Variants in DLEU7 observed in about 807,000 individuals in gnomAD.
DLEU7 encodes the protein leukemia-associated protein 7.
A neutral mutation model predicts 16.0 loss-of-function variants in DLEU7; 17 were observed. The observed-to-expected ratio is 1.06, with a 90% CI of 0.73 to 1.59. The LOEUF is 1.59. DLEU7 is among the 40% of genes most tolerant of loss of function. The pLI is 0.00. For synonymous variants in DLEU7, 113 were observed against 139.8 expected, an observed-to-expected ratio of 0.81 and a Z score of 1.35; for missense variants, 308 against 314.9, an observed-to-expected ratio of 0.98 and a Z score of 0.17.
chr13:50,732,010 C>T lies in DLEU7; in HGVS notation c.460-18770G>A, dbSNP rs551671879. On this transcript the variant is annotated intron_variant, in intron 1 of 1. Coordinates refer to the DLEU7 transcript ENST00000400393. ...TCATACTTTGCAATATTGCTTTATT[C>T]TACTCTGATATTTCATGAAACAATC... 3.0e-3 allele frequency among the ~76,000 whole-genome samples: 460 copies of T among 152,244 alleles called. 1 individual carries two copies. The highest frequency in any genetic ancestry group is 8.6e-3 in the African/African-American group (356 of 41,550).
downstream of DLEU7, among the ~76,000 whole-genome samples, chr13:50,820,112 A>G (rs961441614): frequency 1.3e-5 from 2 of 152,132 alleles, no homozygotes; most frequent in Non-Finnish European, 2.9e-5. Flanking sequence ...ATCAAGTAAT[A>G]TGAGGATTGT....
chr13:50,737,129 G>A (rs1388233989), intron 1 of DLEU7, among the ~76,000 whole-genome samples: 1 of 152,076 alleles, frequency 6.6e-6, no homozygotes, highest in Non-Finnish European at 1.5e-5. Flanking sequence ...TTTATTTTGT[G>A]AGGTCAATAA....
At position 50,753,343 on chromosome 13, in the gene DLEU7, C is replaced by T. The variant is rs370013036; in HGVS notation, c.460-40103G>A. 1.8e-4 allele frequency among the ~76,000 whole-genome samples: 27 copies of T among 152,342 alleles called. No homozygotes were observed. The East Asian group carries it at 1.9e-3, about 11-fold the overall frequency. ...CCCTTGCGTGGTCAATGGGACTGGG[C>T]GCCCTGGAGCAGGGGGCGGCGCTCG... On this transcript the variant is annotated intron_variant, in intron 1 of 1. Transcript: ENST00000400393.
At chr13:50,799,966 C>T (rs1463781188) in intron 1 of DLEU7, among the ~76,000 whole-genome samples, 1 of 152,134 alleles carries the variant, frequency 6.6e-6, no homozygotes, top group Admixed American at 6.6e-5. Flanking sequence ...AAACTGTACA[C>T]AGAACTCTGG....
rs936796863 is a variant in DLEU7, at chr13:50,779,279, C to A, written c.459+63909G>T. The stretch of plus-strand genomic sequence containing the variant: ...ATTTCCAAACTTACGTTCCATGAAC[C>A]AGTAATTTTGTGGGATATTCTTAAG... On this transcript the variant is annotated intron_variant, in intron 1 of 1. Transcript: ENST00000400393. Among the ~76,000 whole-genome samples, 3 of 152,072 alleles carry A rather than the reference C, an allele frequency of 2.0e-5. No homozygotes were observed. The East Asian group carries it at 5.8e-4, about 29-fold the overall frequency.
intron 1 of DLEU7, chr13:50,839,907 G>C (rs1044750082): frequency 1.3e-5 from 2 of 152,176 alleles, no homozygotes; most frequent in African/African-American, 4.8e-5. Context: ...ACTATACAGG[G>C]AGGAAACTGA....
At chr13:50,835,959 A>G (rs911807080) in intron 1 of DLEU7, among the ~76,000 whole-genome samples, 21 of 152,248 alleles carry the variant, frequency 1.4e-4, no homozygotes, top group African/African-American at 5.1e-4. Flanking sequence ...TCTGAAACCA[A>G]CACCAGTGGA....
chr13:50,810,214 A>G (rs1390740325), intron 1 of DLEU7, among the ~76,000 whole-genome samples: 1 of 151,778 alleles, frequency 6.6e-6, no homozygotes, highest in East Asian at 1.9e-4. Context: ...CTAAAAAGCT[A>G]AATTCTCTTA....
At chr13:50,810,973 G>T (rs1231433708) in intron 1 of DLEU7, among the ~76,000 whole-genome samples, 1 of 152,132 alleles carries the variant, frequency 6.6e-6, no homozygotes, top group Non-Finnish European at 1.5e-5. Context: ...GATAACCTGT[G>T]GTACCAGTGA....
intron 1 of DLEU7, among the ~76,000 whole-genome samples, chr13:50,804,124 A>G (rs375361324): frequency 2.0e-5 from 3 of 152,110 alleles, no homozygotes; most frequent in African/African-American, 7.2e-5. Context: ...ATCACGTCCT[A>G]AATATTTTAA....
At chr13:50,712,068 C>A (rs993668716) in exon 2 of DLEU7, 9 of 152,114 alleles carry the variant, frequency 5.9e-5, no homozygotes, top group Non-Finnish European at 1.2e-4. Flanking sequence ...CATTGATTAG[C>A]CTTACAGTAA....
rs564417034 is a variant in DLEU7, at chr13:50,731,821, T to A, written c.460-18581A>T. 1.2e-4 allele frequency among the ~76,000 whole-genome samples: 19 copies of A among 152,334 alleles called. No homozygotes were observed. The South Asian group carries it at 3.3e-3, about 27-fold the overall frequency. On this transcript the variant is annotated intron_variant, in intron 1 of 1. Transcript: ENST00000400393. The stretch of plus-strand genomic sequence containing the variant: ...CCCTCCCAATTACAAAGCCAATGCC[T>A]ATTTTTTGAAACAGAAAATTTTAAA...
chr13:50,833,145 G>C (rs988502282), intron 1 of DLEU7, among the ~76,000 whole-genome samples: 2 of 152,172 alleles, frequency 1.3e-5, no homozygotes, highest in African/African-American at 4.8e-5. Context: ...CACAAGACAA[G>C]GACACCCTCT....
At chr13:50,801,291 C>A (rs1876239634) in intron 1 of DLEU7, among the ~76,000 whole-genome samples, 1 of 152,030 alleles carries the variant, frequency 6.6e-6, no homozygotes, top group Non-Finnish European at 1.5e-5. Flanking sequence ...CACCGTCACC[C>A]CTCCATCCAC....
chr13:50,743,360 T>C (rs570745823), intron 1 of DLEU7, among the ~76,000 whole-genome samples: 7 of 152,238 alleles, frequency 4.6e-5, no homozygotes, highest in South Asian at 2.1e-4. Context: ...TAAACAGTGG[T>C]CAATACTGTG....
At chr13:50,767,411 G>C (rs549186534) in intron 1 of DLEU7, among the ~76,000 whole-genome samples, 2 of 143,114 alleles carry the variant, frequency 1.4e-5, no homozygotes, top group African/African-American at 2.6e-5. Flanking sequence ...AGCCGAGATC[G>C]CGCCACTGCA....
In DLEU7 at chr13:50,843,542, G is replaced by C. The variant is rs1276860067; in HGVS notation, c.105C>G (p.Val35=). ...QQEWGWGDGP[V]APGNPRDPDH... is the part of the protein sequence containing the mutation. Reference sequence around the variant, plus strand: ...CTGGGTCCCGCGGGTTCCCGGGGGCGACTGGACCGTCCCCCCAGCCCCACT... The same window carrying C: ...CTGGGTCCCGCGGGTTCCCGGGGGCCACTGGACCGTCCCCCCAGCCCCACT... The change falls in exon 1 of 2, where the codon GTC becomes GTG. Residue 35 remains valine, a synonymous_variant. Coordinates refer to ENST00000504404, the MANE Select transcript of DLEU7 (RefSeq NM_001306135.2). The surrounding 1 kb of genome is among the most constrained non-coding windows in gnomAD (Gnocchi z 5.7). 1 of 1,455,166 alleles carries C rather than the reference G, an allele frequency of 6.9e-7. No homozygotes were observed. The highest frequency in any genetic ancestry group is 9.0e-7 in the Non-Finnish European group (1 of 1,114,684). The allele number at this position is 1,455,166 out of a possible 1,614,324, so 90.1% of individuals were successfully genotyped here. A position where few individuals can be genotyped will look rare whatever the true frequency, so the allele number is the denominator to read the frequency against.
intron 1 of DLEU7, among the ~76,000 whole-genome samples, chr13:50,769,115 C>G (rs901722673): frequency 6.6e-6 from 1 of 152,150 alleles, no homozygotes; most frequent in South Asian, 2.1e-4. Flanking sequence ...ATTCTTTGCC[C>G]ATTTTCTTGA....
chr13:50,739,931 T>TA (rs1874203666), intron 1 of DLEU7, among the ~76,000 whole-genome samples: 1 of 152,094 alleles, frequency 6.6e-6, no homozygotes, highest in Admixed American at 6.6e-5. Flanking sequence ...ATTTTTTTTT[T>TA]ATTAAATCAG....
Sources: allele counts gnomAD v4.1 joint callset (sites outside exome capture counted in the v4.1 genomes callset), GRCh38; gene constraint gnomAD v4.1.1; non-coding constraint Gnocchi (gnomAD v3.1); transcripts MANE v1.5; gene names NCBI Gene and HGNC (gene_info 2026-07-23, HGNC 2026-07-21).